The following CFAP206 variants were observed in gnomAD, a reference collection of about 807,000 sequenced individuals.
The protein encoded by CFAP206 is cilia- and flagella-associated protein 206.
A neutral mutation model predicts 65.4 loss-of-function variants in CFAP206; 53 were observed. The ratio of observed to expected loss-of-function variants is 0.81; its 90% confidence interval spans 0.65 to 1.02. The LOEUF is 1.02. CFAP206 is among the 50% of genes least tolerant of loss of function. CFAP206 has a pLI of 0.00. For synonymous variants in CFAP206, 250 were observed against 254.4 expected (o/e 0.98, Z 0.17); for missense variants, 663 against 753.2 (o/e 0.88, Z 1.40).
intron 7 of CFAP206, among the ~76,000 whole-genome samples, chr6:87,425,533 T>C (rs1768024997): frequency 6.6e-6 from 1 of 152,222 alleles, no homozygotes; most frequent in African/African-American, 2.4e-5. Context: ...AATAAATGGT[T>C]TACAAGGTAC....
At chr6:87,431,240 G>A (rs759993713) in intron 10 of CFAP206, 67 bp downstream of exon 10, 4 of 1,428,654 alleles carry the variant, frequency 2.8e-6, no homozygotes, top group South Asian at 2.5e-5. Flanking sequence ...TTCTGTCATT[G>A]TCACTTGAAT....
chr6:87,458,626 G>A (rs1050852464), intron 11 of CFAP206, among the ~76,000 whole-genome samples: 1 of 152,088 alleles, frequency 6.6e-6, no homozygotes, highest in African/African-American at 2.4e-5. Flanking sequence ...TAATTGAAAT[G>A]GAGATAGCAG....
chr6:87,447,645 T>C (rs1462702710), intron 11 of CFAP206, among the ~76,000 whole-genome samples: 1 of 152,174 alleles, frequency 6.6e-6, no homozygotes, highest in African/African-American at 2.4e-5. Context: ...TTGTTTTTTG[T>C]TGTTGTATCT....
chr6:87,456,766 A>G lies in CFAP206; in HGVS notation c.1495-4256A>G, dbSNP rs578219485. 3.9e-5 allele frequency among the ~76,000 whole-genome samples: 6 copies of G among 152,346 alleles called. No homozygotes were observed. The East Asian group carries it at 1.2e-3, about 29-fold the overall frequency. The stretch of plus-strand genomic sequence containing the variant: ...TCAAGAAAGTAATCCCATTTTCAAT[A>G]GCTACAAATAAAATTAAAAACCTAG... On this transcript the variant is annotated intron_variant, in intron 11 of 12. Coordinates refer to ENST00000369562, the MANE Select transcript of CFAP206 (RefSeq NM_001031743.3).
At chr6:87,450,281 A>T (rs1331937282) in intron 11 of CFAP206, among the ~76,000 whole-genome samples, 1 of 151,934 alleles carries the variant, frequency 6.6e-6, no homozygotes, top group Non-Finnish European at 1.5e-5. Flanking sequence ...TTTGCTCAGG[A>T]TTGCTTGACT....
chr6:87,448,745 G>T (rs562737790), intron 11 of CFAP206, among the ~76,000 whole-genome samples: 6 of 152,116 alleles, frequency 3.9e-5, no homozygotes, highest in Admixed American at 3.9e-4. Context: ...TCCTACATGA[G>T]TGAAACATGT....
intron 3 of CFAP206, among the ~76,000 whole-genome samples, chr6:87,412,875 G>A (rs1481306552): frequency 3.3e-5 from 5 of 152,114 alleles, no homozygotes; most frequent in African/African-American, 1.2e-4. Flanking sequence ...GACCAGGCTG[G>A]TCTCGAACTC....
rs760258437 is a variant in CFAP206, at chr6:87,461,046, A to G, written c.1519A>G (p.Ile507Val). The G allele has an allele frequency of 6.3e-7, 1 of 1,585,370 alleles. No individual in the cohort carries two copies. The highest frequency in any genetic ancestry group is 2.3e-5 in the East Asian group (1 of 42,792). ...SQMRDADKHY[I>V]KPITKCESST... Reference sequence around the variant, plus strand: ...GATGAGAGATGCTGACAAACATTATATAAAACCAATTACAAAATGTGAAAG... The same window carrying G: ...GATGAGAGATGCTGACAAACATTATGTAAAACCAATTACAAAATGTGAAAG... Residue 507 changes from isoleucine to valine, a missense_variant, in exon 12 of 13, where the codon ATA (isoleucine) becomes GTA (valine). Physicochemically the swap from Ile to Val is conservative, Grantham distance 29. Coordinates refer to ENST00000369562, the MANE Select transcript of CFAP206 (RefSeq NM_001031743.3).
At chr6:87,408,939 A>G (rs1014825114) in intron 1 of CFAP206, among the ~76,000 whole-genome samples, 32 of 152,186 alleles carry the variant, frequency 2.1e-4, no homozygotes, top group Non-Finnish European at 3.4e-4. Context: ...CTACATGCCA[A>G]CTTCCATTGT....
At position 87,430,931 on chromosome 6, in the gene CFAP206, A is replaced by G. The variant is rs919557177; in HGVS notation, c.1160-102A>G. On this transcript the variant is annotated intron_variant, in intron 9 of 12. Coordinates refer to ENST00000369562, the MANE Select transcript of CFAP206 (RefSeq NM_001031743.3). ...GTTTTTGCCCATCGGGAAAAGTACA[A>G]AGCAATAAAAAGGTAATGTTTAGAA... 22 of 1,107,938 alleles carry G rather than the reference A, an allele frequency of 2.0e-5. No individual in the cohort carries two copies. In the East Asian group the frequency reaches 2.5e-4, roughly 12 times the overall value. The allele number at this position is 1,107,938 out of a possible 1,614,324, so 68.6% of individuals were successfully genotyped here.
chr6:87,458,733 G>A (rs1768693100), intron 11 of CFAP206, among the ~76,000 whole-genome samples: 1 of 152,128 alleles, frequency 6.6e-6, no homozygotes, highest in South Asian at 2.1e-4. Context: ...AAAGGCGTAA[G>A]ATCTAGTATT....
rs1420846189 is a variant in CFAP206 at position 87,461,122 on chromosome 6, A to G, written c.1595A>G (p.Tyr532Cys). ...CTGCCACCAACGATTGTGAGATCAT[A>G]TGAGTGGAATGAATGGGAATTAAGA... ...HILPPTIVRSYEWNEWELRRK... is the reference protein window; with the variant it reads ...HILPPTIVRSCEWNEWELRRK... The change falls in exon 12 of 13, where the codon TAT becomes TGT. Residue 532 changes from tyrosine (Y) to cysteine (C), a missense_variant. Coordinates refer to ENST00000369562, the MANE Select transcript of CFAP206 (RefSeq NM_001031743.3). 6.3e-7 allele frequency: 1 copy of G among 1,580,628 alleles called. No homozygotes were observed. The highest frequency in any genetic ancestry group is 1.4e-5 in the African/African-American group (1 of 72,794).
chr6:87,459,608 A>C (rs1768706605), intron 11 of CFAP206, among the ~76,000 whole-genome samples: 1 of 152,214 alleles, frequency 6.6e-6, no homozygotes, highest in South Asian at 2.1e-4. Flanking sequence ...GAATATTCAA[A>C]TGAATGTGTA....
intron 10 of CFAP206, 110 bp from the exon 11 acceptor site, chr6:87,434,750 G>C (rs564764255): frequency 1.7e-6 from 1 of 590,826 alleles, no homozygotes; most frequent in South Asian, 2.3e-5. Flanking sequence ...TGCCTGCTTT[G>C]GCCTCCCAAA....
chr6:87,409,742 T>G (rs1170551607), intron 1 of CFAP206, 93 bp from the exon 2 acceptor site: 5 of 785,514 alleles, frequency 6.4e-6, no homozygotes, highest in Middle Eastern at 2.3e-4. Flanking sequence ...ATTATGACTG[T>G]TTACAAATAC....
chr6:87,423,571 G>A (rs1767986953), intron 7 of CFAP206, among the ~76,000 whole-genome samples: 1 of 152,172 alleles, frequency 6.6e-6, no homozygotes, highest in South Asian at 2.1e-4. Context: ...ATTTTTAATT[G>A]TAGGTTTTAA....
chr6:87,437,825 A>AT (rs1206669821), intron 11 of CFAP206, among the ~76,000 whole-genome samples: 12,057 of 104,370 alleles, frequency 0.12, 887 homozygotes, highest in Non-Finnish European at 0.14. Context: ...TGCCTGGCTA[A>AT]TTTTTTTTTT....
chr6:87,448,969 A>C (rs1768494283), intron 11 of CFAP206, among the ~76,000 whole-genome samples: 1 of 152,140 alleles, frequency 6.6e-6, no homozygotes, highest in Non-Finnish European at 1.5e-5. Flanking sequence ...TAAACATAGG[A>C]GTGCAGATAT....
At chr6:87,416,641 C>T (rs1767834677) in intron 5 of CFAP206, 28 bp from the exon 6 acceptor site, 8 of 1,531,194 alleles carry the variant, frequency 5.2e-6, no homozygotes, top group East Asian at 4.5e-5. Context: ...ATTTTGTTTT[C>T]CTTTTTTTTT....
Sources: gnomAD v4.1 joint callset for allele counts (sites outside exome capture counted in the v4.1 genomes callset) on GRCh38, gnomAD v4.1.1 for gene constraint, MANE v1.5 for transcripts, NCBI Gene and HGNC (gene_info 2026-07-23, HGNC 2026-07-21) for gene names.